Variants in APBB2 observed in about 807,000 individuals in gnomAD.
The protein encoded by APBB2 is amyloid beta precursor protein binding family B member 2.
A neutral mutation model predicts 82.5 loss-of-function variants in APBB2; 38 were observed. The ratio of observed to expected loss-of-function variants is 0.46; its 90% CI spans 0.36 to 0.60. The LOEUF (loss-of-function observed/expected upper bound fraction) is 0.60. Ranked by LOEUF, APBB2 falls within the 20% of genes least tolerant of loss-of-function variation. APBB2 has a pLI of 0.00. For missense variants in APBB2, 772 were observed against 972.3 expected (o/e 0.79, Z 2.74); for synonymous variants, 341 against 368.2 (o/e 0.93, Z 0.85).
chr4:41,045,357 G>A (rs961695039), intron 4 of APBB2, among the ~76,000 whole-genome samples: 1 of 152,012 alleles, frequency 6.6e-6, no homozygotes, highest in South Asian at 2.1e-4. Context: ...GCAGTGGCGT[G>A]ATCTCGGCTC....
intron 10 of APBB2, among the ~76,000 whole-genome samples, chr4:40,899,214 T>C (rs2154355973): frequency 6.6e-6 from 1 of 152,366 alleles, no homozygotes; most frequent in African/African-American, 2.4e-5. Flanking sequence ...CAGGATTAAC[T>C]GGGCTAAATT....
intron 6 of APBB2, among the ~76,000 whole-genome samples, chr4:40,999,248 C>G (rs1804478470): frequency 6.6e-6 from 1 of 152,054 alleles, no homozygotes; most frequent in Non-Finnish European, 1.5e-5. Context: ...CGAAACCAGC[C>G]TGGGCAATAT....
At chr4:40,880,216 C>T (rs1404734463) in intron 12 of APBB2, 3 of 985,378 alleles carry the variant, frequency 3.0e-6, no homozygotes, top group South Asian at 9.4e-5. Flanking sequence ...CTCCAGTGTT[C>T]CTTCTCTTGA....
chr4:40,932,546 C>T (rs537991904), intron 10 of APBB2, among the ~76,000 whole-genome samples: 10 of 152,222 alleles, frequency 6.6e-5, no homozygotes, highest in African/African-American at 2.4e-4. Context: ...ACTAAGAAAA[C>T]CTATTTGCGA....
chr4:40,907,581 G>A (rs900448736), intron 10 of APBB2, among the ~76,000 whole-genome samples: 2 of 150,590 alleles, frequency 1.3e-5, no homozygotes, highest in Non-Finnish European at 3.0e-5. Context: ...CTGTTGGTTA[G>A]GCTGGTCTTG....
At chr4:41,163,598 C>T (rs1396052942) in intron 1 of APBB2, among the ~76,000 whole-genome samples, 2 of 152,168 alleles carry the variant, frequency 1.3e-5, no homozygotes, top group African/African-American at 4.8e-5. Context: ...AGATCATAAA[C>T]AAGCGTCAGT....
At chr4:40,865,739 AAAAC>A (rs1324568642) in intron 12 of APBB2, among the ~76,000 whole-genome samples, 3 of 152,250 alleles carry the variant, frequency 2.0e-5, no homozygotes, top group South Asian at 2.1e-4. Context: ...CGATAATAAG[AAAAC>A]AAACAACACA....
chr4:41,121,587 C>T (rs900642466), intron 2 of APBB2, among the ~76,000 whole-genome samples: 2 of 152,200 alleles, frequency 1.3e-5, no homozygotes, highest in Non-Finnish European at 2.9e-5. Context: ...CCTCCACCTG[C>T]CCTCTACTCT....
intron 1 of APBB2, among the ~76,000 whole-genome samples, chr4:41,160,265 A>C (rs1347119232): frequency 6.6e-6 from 1 of 152,190 alleles, no homozygotes; most frequent in East Asian, 1.9e-4. Context: ...GAAATGACGG[A>C]AGCCCATAGC....
intron 13 of APBB2, among the ~76,000 whole-genome samples, chr4:40,828,008 G>T (rs1484017113): frequency 6.6e-6 from 1 of 152,240 alleles, no homozygotes; most frequent in Middle Eastern, 3.4e-3. Flanking sequence ...TTCCCCTTTT[G>T]CTTGGCTCTG....
chr4:41,135,517 C>T lies in APBB2; in HGVS notation c.-261+7470G>A, dbSNP rs147283104. Among the ~76,000 whole-genome samples, 931 of 152,148 alleles carry T rather than the reference C, an allele frequency of 6.1e-3. 9 individuals are homozygous for T. The highest frequency in any genetic ancestry group is 0.019 in the African/African-American group (773 of 41,508). On this transcript the variant is annotated intron_variant, in intron 2 of 17. Transcript: ENST00000508593. ...AATTTCAGAAACTTTGAATAGCTATCGTGTCATGCGTATAGATCTTATTTG... is the reference window on the plus strand; with the variant it reads ...AATTTCAGAAACTTTGAATAGCTATTGTGTCATGCGTATAGATCTTATTTG...
intron 3 of APBB2, among the ~76,000 whole-genome samples, chr4:41,075,868 T>C (rs1170212550): frequency 1.3e-5 from 2 of 152,192 alleles, no homozygotes; most frequent in Non-Finnish European, 1.5e-5. Context: ...AATCTCTGAA[T>C]AAAACTGAAA....
At chr4:41,191,659 T>A (rs1237794290) in intron 1 of APBB2, among the ~76,000 whole-genome samples, 1 of 152,128 alleles carries the variant, frequency 6.6e-6, no homozygotes, top group South Asian at 2.1e-4. Flanking sequence ...CCCGAAACCA[T>A]AAAGACTCCC....
At chr4:40,940,423 T>C (rs1383656573) in intron 7 of APBB2, among the ~76,000 whole-genome samples, 1 of 152,194 alleles carries the variant, frequency 6.6e-6, no homozygotes, top group Non-Finnish European at 1.5e-5. Flanking sequence ...CTCGGCTCAC[T>C]GGCTGAGAAA....
At chr4:40,868,297 G>T (rs1290446834) in intron 12 of APBB2, among the ~76,000 whole-genome samples, 1 of 152,196 alleles carries the variant, frequency 6.6e-6, no homozygotes, top group Non-Finnish European at 1.5e-5. Flanking sequence ...GTTTGAAAAA[G>T]ACCCACAGTG....
chr4:41,198,304 T>C, intron 1 of APBB2, among the ~76,000 whole-genome samples: 1 of 152,234 alleles, frequency 6.6e-6, no homozygotes, highest in Non-Finnish European at 1.5e-5. Context: ...GCAGGGATCC[T>C]GTCTGCCTGG....
intron 12 of APBB2, among the ~76,000 whole-genome samples, chr4:40,864,637 T>C (rs1212483299): frequency 2.6e-5 from 4 of 152,126 alleles, no homozygotes. Flanking sequence ...TCATTTTCTT[T>C]ATGCAATATT....
intron 3 of APBB2, among the ~76,000 whole-genome samples, chr4:41,077,094 C>T (rs1305903584): frequency 2.0e-5 from 3 of 151,202 alleles, no homozygotes; most frequent in Non-Finnish European, 2.9e-5. Context: ...AGCTTCGAAT[C>T]CTTGGGCTCA....
intron 10 of APBB2, among the ~76,000 whole-genome samples, chr4:40,930,442 T>TGC (rs765221049): frequency 2.7e-5 from 2 of 73,784 alleles, no homozygotes; most frequent in African/African-American, 9.7e-5. Flanking sequence ...TGTGTGTGTG[T>TGC]GTGTGTGCGC....
Sources: allele counts gnomAD v4.1 joint callset (sites outside exome capture counted in the v4.1 genomes callset), GRCh38; gene constraint gnomAD v4.1.1; transcripts MANE v1.5; gene names NCBI Gene and HGNC (gene_info 2026-07-23, HGNC 2026-07-21).